TMEM108: variants seen among roughly 807,000 people sequenced by gnomAD.
TMEM108 encodes the protein transmembrane protein 108.
In TMEM108, 12 loss-of-function variants were observed where a neutral mutation model predicts 35.1. The observed-to-expected ratio is 0.34, with a 90% CI of 0.22 to 0.55. The LOEUF (loss-of-function observed/expected upper bound fraction) is 0.55, where lower values mean the gene tolerates loss of function less well. Among genes scored for constraint, TMEM108 ranks in the 20% least tolerant of loss-of-function variants. TMEM108 has a pLI of 0.89. For synonymous variants in TMEM108, 287 were observed against 308.6 expected, an observed-to-expected ratio of 0.93 and a Z score of 0.73; for missense variants, 680 against 753.3, an observed-to-expected ratio of 0.90 and a Z score of 1.14.
chr3:133,056,820 G>A (rs1943471052), intron 2 of TMEM108, among the ~76,000 whole-genome samples: 1 of 152,184 alleles, frequency 6.6e-6, no homozygotes, highest in African/African-American at 2.4e-5. Flanking sequence ...CATGGCCACT[G>A]TCTGCAACCT....
intron 2 of TMEM108, among the ~76,000 whole-genome samples, chr3:133,064,330 A>G (rs1325234963): frequency 6.6e-6 from 1 of 152,164 alleles, no homozygotes; most frequent in Non-Finnish European, 1.5e-5. Flanking sequence ...AACTCTTTGG[A>G]AGCACTAGAT....
chr3:133,390,126 C>T, intron 4 of TMEM108, 54 bp from the exon 5 acceptor site: 1 of 1,601,916 alleles, frequency 6.2e-7, no homozygotes, highest in Non-Finnish European at 8.5e-7. Context: ...TGGTGCAACC[C>T]AGGCACCATC....
At chr3:133,390,363 T>C (rs750401624) in intron 5 of TMEM108, 29 bp downstream of exon 5, 1 of 1,611,628 alleles carries the variant, frequency 6.2e-7, no homozygotes, top group Non-Finnish European at 8.5e-7. Flanking sequence ...CTGGCCCCAC[T>C]GCAGGGAAAC....
At chr3:133,083,928 T>C (rs2107700505) in intron 2 of TMEM108, among the ~76,000 whole-genome samples, 1 of 152,244 alleles carries the variant, frequency 6.6e-6, no homozygotes, top group South Asian at 2.1e-4. Flanking sequence ...ATTCCCTTAG[T>C]GTTCATAGCT....
chr3:133,317,926 G>A (rs1051487467), intron 3 of TMEM108, among the ~76,000 whole-genome samples: 1 of 152,206 alleles, frequency 6.6e-6, no homozygotes, highest in Non-Finnish European at 1.5e-5. Flanking sequence ...GAGAATATAT[G>A]TGTTGAAGGA....
chr3:133,332,082 G>GCACACACACACA (rs66877804), intron 3 of TMEM108, among the ~76,000 whole-genome samples: 8 of 150,916 alleles, frequency 5.3e-5, no homozygotes, highest in African/African-American at 1.5e-4. Context: ...GTGCGCACGT[G>GCACACACACACA]CACACACACA....
chr3:133,137,918 G>A (rs71315687), intron 2 of TMEM108, among the ~76,000 whole-genome samples: 17,269 of 152,102 alleles, frequency 0.11, 1,075 homozygotes, highest in Admixed American at 0.14. Context: ...GTGTTCTGTC[G>A]TCTCCAAGAG....
Position 133,397,102 on chromosome 3 carries a change from C to T in TMEM108, c.*1116C>T, listed in dbSNP as rs749240824. 2 of 152,202 alleles carry T rather than the reference C, an allele frequency of 1.3e-5. No individual in the cohort carries two copies. The highest frequency in any genetic ancestry group is 2.9e-5 in the Non-Finnish European group (2 of 68,048). 9.4% of individuals were successfully genotyped at this position (152,202 alleles called of 1,614,324 possible). A position where few individuals can be genotyped will look rare whatever the true frequency, so the allele number is the denominator to read the frequency against. ...TTCCACTGCTCCCCTTGTTCCCGGC[C>T]GGCTGGCTGCCTCCCCGTGCTGTGT... On this transcript the variant is annotated 3_prime_UTR_variant, in exon 6 of 6. Coordinates refer to ENST00000321871, the MANE Select transcript of TMEM108 (RefSeq NM_023943.4).
At chr3:133,227,621 G>A (rs1159120138) in intron 2 of TMEM108, among the ~76,000 whole-genome samples, 1 of 151,322 alleles carries the variant, frequency 6.6e-6, no homozygotes, top group East Asian at 1.9e-4. Context: ...CTGAGGCCAG[G>A]CATGGTGGCT....
At chr3:133,291,259 T>G (rs1260040306) in intron 3 of TMEM108, among the ~76,000 whole-genome samples, 1 of 67,600 alleles carries the variant, frequency 1.5e-5, no homozygotes, top group Non-Finnish European at 4.1e-5. Context: ...CACCGTGGAG[T>G]TTTTTTTTTT....
intron 4 of TMEM108, chr3:133,386,574 G>A: frequency 6.8e-7 from 1 of 1,479,564 alleles, no homozygotes; most frequent in Non-Finnish European, 8.9e-7. Context: ...ACCCAAGAGA[G>A]CTTAATTCCC....
intron 3 of TMEM108, among the ~76,000 whole-genome samples, chr3:133,322,499 A>G (rs2071278908): frequency 1.3e-5 from 2 of 152,202 alleles, no homozygotes; most frequent in African/African-American, 2.4e-5. Context: ...TGAACGGACC[A>G]ATAACAAATA....
At chr3:133,076,442 C>T (rs184508900) in intron 2 of TMEM108, among the ~76,000 whole-genome samples, 6 of 152,040 alleles carry the variant, frequency 3.9e-5, no homozygotes, top group Admixed American at 1.3e-4. Flanking sequence ...AAGCCCAAGT[C>T]GCTTACTGCT....
At chr3:133,127,620 C>A (rs1412543260) in intron 2 of TMEM108, among the ~76,000 whole-genome samples, 1 of 152,172 alleles carries the variant, frequency 6.6e-6, no homozygotes, top group East Asian at 1.9e-4. Context: ...AAAATCATGC[C>A]AACCTTGACA....
Position 133,379,524 on chromosome 3 carries a change from C to G in TMEM108, c.41-228C>G, listed in dbSNP as rs543065247. Among the ~76,000 whole-genome samples, 53 of 152,212 alleles carry G rather than the reference C, an allele frequency of 3.5e-4. 1 individual carries two copies. The Middle Eastern group carries it at 0.024, about 68-fold the overall frequency. On this transcript the variant is annotated intron_variant, in intron 3 of 5. Transcript: ENST00000321871. ...CTGGCCAGGGTAGCTGCTCTGCTTC[C>G]CCTGGTGCTGGTCTCTCTTTCCAGC... is the stretch of plus-strand genomic sequence containing the variant.
At chr3:133,094,073 A>G (rs1288295228) in intron 2 of TMEM108, among the ~76,000 whole-genome samples, 2 of 152,102 alleles carry the variant, frequency 1.3e-5, no homozygotes, top group Middle Eastern at 3.2e-3. Flanking sequence ...ATTATAGCCA[A>G]AGTTTCCGGT....
intron 2 of TMEM108, among the ~76,000 whole-genome samples, chr3:133,124,311 G>C (rs1027869203): frequency 6.6e-6 from 1 of 152,190 alleles, no homozygotes; most frequent in Non-Finnish European, 1.5e-5. Flanking sequence ...AAGGTGTGAC[G>C]TACATGGCAA....
chr3:133,121,042 A>G (rs971411988), intron 2 of TMEM108: 2 of 152,250 alleles, frequency 1.3e-5, no homozygotes, highest in African/African-American at 4.8e-5. Context: ...ATTTGCTCAC[A>G]TAGAAGAAGT....
At chr3:133,279,326 C>A (rs1946880803) in intron 3 of TMEM108, among the ~76,000 whole-genome samples, 1 of 152,196 alleles carries the variant, frequency 6.6e-6, no homozygotes, top group South Asian at 2.1e-4. Flanking sequence ...CTGGAGACCA[C>A]CATGTCTATC....
Sources: allele counts gnomAD v4.1 joint callset (sites outside exome capture counted in the v4.1 genomes callset), GRCh38; gene constraint gnomAD v4.1.1; transcripts MANE v1.5; gene names NCBI Gene and HGNC (gene_info 2026-07-23, HGNC 2026-07-21).